Variants in PHF6 observed in about 807,000 individuals in gnomAD.
PHF6 encodes the protein PHD finger protein 6.
PHF6 carries 7 observed loss-of-function variants against 34.0 expected under a neutral mutation model. That is an observed-to-expected ratio of 0.21 (90% CI 0.12 to 0.39). The LOEUF is 0.39. Ranked by LOEUF, PHF6 falls within the 10% of genes least tolerant of loss-of-function variation. The pLI, the probability that PHF6 is intolerant of heterozygous loss-of-function variation, is 1.00. For missense variants in PHF6, 128 were observed against 262.8 expected (o/e 0.49, Z 3.55); for synonymous variants, 89 against 88.4 (o/e 1.01, Z -0.04).
chrX:134,424,572 A>G (rs1189684433), intron 9 of PHF6, among the ~76,000 whole-genome samples: 1 of 112,193 alleles, frequency 8.9e-6, no homozygotes, highest in Non-Finnish European at 1.9e-5. Context: ...AATTTGCTAC[A>G]GTTGACAGAC....
rs755305300 is a variant in PHF6 at position 134,428,211 on chromosome X, A to G, written c.*2551A>G. 2 of 148,046 alleles carry G rather than the reference A, an allele frequency of 1.4e-5. No individual in the cohort carries two copies. Among genetic ancestry groups the G allele is most frequent in the African/African-American group, 6.4e-5 (2 of 31,219 alleles). The allele number at this position is 148,046 out of a possible 1,213,427, so 12.2% of individuals were successfully genotyped here. On this transcript the variant is annotated 3_prime_UTR_variant, in exon 11 of 11. Transcript: ENST00000370803. ...ATTATTCTGGAGCATTTATTGCCTT[A>G]CCAGAAATGTTAGTAGGAAATGTTC...
chrX:134,391,663 A>G (rs1032009011), intron 3 of PHF6, among the ~76,000 whole-genome samples: 3 of 111,936 alleles, frequency 2.7e-5, no homozygotes, highest in African/African-American at 9.7e-5. Context: ...TACTTTCCCT[A>G]AAGTTCTTAG....
chrX:134,413,596 T>C lies in PHF6; in HGVS notation c.524T>C (p.Leu175Pro). ...CCAAGAAAAACTAATTTTAAAGGGCTGTCAGAAGATACCAGGTCCACATCC... is the reference window on the plus strand; with the variant it reads ...CCAAGAAAAACTAATTTTAAAGGGCCGTCAGAAGATACCAGGTCCACATCC... ...GRPRKTNFKG[L>P]SEDTRSTSSH... Residue 175 changes from leucine to proline, a missense_variant, in exon 6 of 11, where the codon CTG becomes CCG. This residue lies in a region of PHF6 where 97 missense variants were observed against 152.9 expected (regional missense o/e 0.63). Coordinates refer to ENST00000370803, the MANE Select transcript of PHF6 (RefSeq NM_001015877.2). 8.3e-7 allele frequency: 1 copy of C among 1,211,189 alleles called. No individual in the cohort carries two copies. The highest frequency in any genetic ancestry group is 1.1e-6 in the Non-Finnish European group (1 of 895,152).
intron 5 of PHF6, among the ~76,000 whole-genome samples, chrX:134,399,652 TACACACACACAC>T (rs201158134): frequency 9.9e-6 from 1 of 101,233 alleles, no homozygotes; most frequent in Non-Finnish European, 2.0e-5. Context: ...ACCCCTAACA[TACACACACACAC>T]ACACAGACAC....
chrX:134,419,117 G>C (rs1265098992), intron 9 of PHF6: 1 of 111,598 alleles, frequency 9.0e-6, no homozygotes, highest in Non-Finnish European at 1.9e-5. Context: ...CTTCTAAAGT[G>C]CTAGGATTAC....
In PHF6 at chrX:134,426,197, A is replaced by G; in HGVS notation, c.*537A>G. 6.2e-6 allele frequency: 1 copy of G among 160,305 alleles called. No individual in the cohort carries two copies. The highest frequency in any genetic ancestry group is 3.0e-5 in the African/African-American group (1 of 33,640). The allele number at this position is 160,305 out of a possible 1,213,427, so 13.2% of individuals were successfully genotyped here. On this transcript the variant is annotated 3_prime_UTR_variant, in exon 11 of 11. Transcript: ENST00000370803. The stretch of plus-strand genomic sequence containing the variant: ...AAATCTCTTCCAAGAAGTATGCTAA[A>G]GCTTTTCATTTGGTTCCTGTTAAAG...
chrX:134,420,747 C>G (rs2077488970), intron 9 of PHF6, among the ~76,000 whole-genome samples: 1 of 110,264 alleles, frequency 9.1e-6, no homozygotes, highest in Non-Finnish European at 1.9e-5. Context: ...CACACGTGAC[C>G]ATGCCTGGCT....
chrX:134,386,116 A>G (rs2077330272), intron 3 of PHF6, among the ~76,000 whole-genome samples: 1 of 111,928 alleles, frequency 8.9e-6, no homozygotes, highest in South Asian at 3.7e-4. Context: ...GTCAAAGACA[A>G]ACAATTTCAA....
intron 3 of PHF6, among the ~76,000 whole-genome samples, chrX:134,384,831 T>G (rs1266057341): frequency 9.1e-6 from 1 of 110,457 alleles, no homozygotes; most frequent in Non-Finnish European, 1.9e-5. Flanking sequence ...TTTTGTATTT[T>G]TAGTAGAGAC....
chrX:134,414,198 G>T (rs2077462764), intron 7 of PHF6, among the ~76,000 whole-genome samples: 1 of 110,982 alleles, frequency 9.0e-6, no homozygotes, highest in South Asian at 3.7e-4. Flanking sequence ...AGTAGGATTT[G>T]AAGTAATTCT....
intron 5 of PHF6, among the ~76,000 whole-genome samples, chrX:134,409,690 C>T (rs1175576387): frequency 9.3e-5 from 10 of 107,285 alleles, no homozygotes; most frequent in African/African-American, 3.4e-4. Flanking sequence ...GGGGGGTGCA[C>T]GTGCAGGTTT....
At chrX:134,405,256 GC>G (rs1236150661) in intron 5 of PHF6, among the ~76,000 whole-genome samples, 1 of 111,588 alleles carries the variant, frequency 9.0e-6, no homozygotes, top group African/African-American at 3.3e-5. Flanking sequence ...AGACTGGAGT[GC>G]AGTGGTGCGA....
intron 1 of PHF6, among the ~76,000 whole-genome samples, chrX:134,375,096 T>C (rs939742262): frequency 8.9e-6 from 1 of 111,810 alleles, no homozygotes; most frequent in East Asian, 2.8e-4. Flanking sequence ...TAGGAGTCAT[T>C]GTTTCCATGA....
intron 9 of PHF6, among the ~76,000 whole-genome samples, chrX:134,423,669 A>C (rs755746536): frequency 2.7e-5 from 3 of 112,153 alleles, no homozygotes; most frequent in African/African-American, 9.7e-5. Flanking sequence ...GATTAAAGTC[A>C]GTTGTTATTG....
At chrX:134,405,973 T>C (rs1345590915) in intron 5 of PHF6, among the ~76,000 whole-genome samples, 1 of 109,978 alleles carries the variant, frequency 9.1e-6, no homozygotes, top group Admixed American at 9.8e-5. Context: ...GCAGGGCGAA[T>C]GTCCTCCAGT....
At chrX:134,403,984 A>G (rs1225916020) in intron 5 of PHF6, among the ~76,000 whole-genome samples, 1 of 112,095 alleles carries the variant, frequency 8.9e-6, no homozygotes, top group Non-Finnish European at 1.9e-5. Flanking sequence ...CTACAAGGAG[A>G]TGAATGTTGT....
intron 9 of PHF6, among the ~76,000 whole-genome samples, chrX:134,424,014 G>A (rs2077500114): frequency 1.8e-5 from 2 of 109,026 alleles, no homozygotes; most frequent in South Asian, 4.1e-4. Flanking sequence ...TGATATAAAT[G>A]ATGAGTTAAC....
chrX:134,391,699 T>TA (rs921436067), intron 3 of PHF6, among the ~76,000 whole-genome samples: 1 of 112,130 alleles, frequency 8.9e-6, no homozygotes, highest in Non-Finnish European at 1.9e-5. Flanking sequence ...TTTGATGCGT[T>TA]AAAAAAATAG....
chrX:134,386,333 A>G (rs2077331250), intron 3 of PHF6, among the ~76,000 whole-genome samples: 2 of 110,784 alleles, frequency 1.8e-5, no homozygotes, highest in African/African-American at 6.6e-5. Flanking sequence ...AGAGGTACCT[A>G]ACCAACTCTA....
Sources: gnomAD v4.1 joint callset for allele counts (sites outside exome capture counted in the v4.1 genomes callset) on GRCh38, gnomAD v4.1.1 for gene constraint, gnomAD v4.1.1 regional missense constraint, MANE v1.5 for transcripts, NCBI Gene and HGNC (gene_info 2026-07-23, HGNC 2026-07-21) for gene names.